Variants in CCNL2 observed in about 807,000 individuals in gnomAD.
CCNL2 encodes the protein cyclin-L2.
CCNL2 carries 28 observed loss-of-function variants against 59.1 expected under a neutral mutation model. The observed-to-expected ratio is 0.47, with a 90% CI of 0.35 to 0.65. The LOEUF is 0.65. Ranked by LOEUF, CCNL2 falls within the 30% of genes least tolerant of loss-of-function variation. The pLI, the probability that CCNL2 is intolerant of heterozygous loss-of-function variation, is 0.00. For missense variants in CCNL2, 714 were observed against 717.4 expected, an observed-to-expected ratio of 1.00 and a Z score of 0.05; for synonymous variants, 342 against 288.6, an observed-to-expected ratio of 1.19 and a Z score of -1.88.
chr1:1,399,064 G>A lies in CCNL2; in HGVS notation c.243C>T (p.Gly81=). ...TDTETDLRVV[G]CELIQAAGIL... is the part of the protein sequence containing the mutation. ...TACCGGCCGCCTGGATGAGCTCGCA[G>A]CCCACCACGCGGAGGTCGGTCTCTG... is the stretch of plus-strand genomic sequence containing the variant. The change falls in exon 1 of 11, where the codon GGC becomes GGT. Residue 81 remains glycine, a synonymous_variant. Transcript: ENST00000400809. 4 of 1,610,380 alleles carry A rather than the reference G, an allele frequency of 2.5e-6. No individual in the cohort carries two copies. The highest frequency in any genetic ancestry group is 3.4e-6 in the Non-Finnish European group (4 of 1,178,954).
chr1:1,396,571 GTTTTTTTTTT>G (rs1175846044), intron 3 of CCNL2, among the ~76,000 whole-genome samples: 1 of 69,656 alleles, frequency 1.4e-5, no homozygotes. Context: ...CGGCAAGGCT[GTTTTTTTTTT>G]TTTTTTTTTT....
At chr1:1,398,370 A>T (rs771179780) in intron 2 of CCNL2, 28 bp from the exon 3 acceptor site, 5 of 1,613,636 alleles carry the variant, frequency 3.1e-6, no homozygotes, top group South Asian at 2.2e-5. Context: ...CAACACGCCC[A>T]TGTTTGTCCC....
At chr1:1,393,030 C>A (rs989308333) in intron 5 of CCNL2, 1 of 609,052 alleles carries the variant, frequency 1.6e-6, no homozygotes, top group Admixed American at 2.9e-5. Flanking sequence ...CTGCCCCTCT[C>A]CCATGGGATG....
rs1425657009 is a variant in CCNL2 at position 1,387,090 on chromosome 1, T to C, written c.*141A>G. On this transcript the variant is annotated 3_prime_UTR_variant, in exon 11 of 11. Coordinates refer to ENST00000400809, the MANE Select transcript of CCNL2 (RefSeq NM_030937.6). ...TCCACCAAGGTCCAGTCGACAGACATTTCCAAAAAGAATCCTGTTCTAGGA... is the reference window on the plus strand; with the variant it reads ...TCCACCAAGGTCCAGTCGACAGACACTTCCAAAAAGAATCCTGTTCTAGGA... The C allele has an allele frequency of 1.3e-5, 8 of 637,918 alleles. No homozygotes were observed. The highest frequency in any genetic ancestry group is 1.9e-5 in the Non-Finnish European group (7 of 376,312). The allele number at this position is 637,918 out of a possible 1,614,324, so 39.5% of individuals were successfully genotyped here. A position where few individuals can be genotyped will look rare whatever the true frequency, so the allele number is the denominator to read the frequency against.
At chr1:1,395,623 A>C in intron 3 of CCNL2, 109 bp from the exon 4 acceptor site, 1 of 1,460,832 alleles carries the variant, frequency 6.8e-7, no homozygotes, top group Non-Finnish European at 9.3e-7. Flanking sequence ...CCACAACACA[A>C]CATCGCTATG....
At chr1:1,394,749 C>CAAG (rs1488387147) in intron 4 of CCNL2, among the ~76,000 whole-genome samples, 2 of 65,754 alleles carry the variant, frequency 3.0e-5, no homozygotes, top group Non-Finnish European at 5.5e-5. Context: ...GACTCCGTCT[C>CAAG]AAGAAAAAAA....
In CCNL2 at chr1:1,399,317, C is replaced by G. The variant is rs1195111344; in HGVS notation, c.-11G>C. ...CGCCGCCGCCGCCATTTTGTGCCGCCGACTCCCCTTCGGCTTCTTCCCTCA... is the reference window on the plus strand; with the variant it reads ...CGCCGCCGCCGCCATTTTGTGCCGCGGACTCCCCTTCGGCTTCTTCCCTCA... On this transcript the variant is annotated 5_prime_UTR_variant, in exon 1 of 11. Transcript: ENST00000400809. 1.4e-6 allele frequency: 2 copies of G among 1,440,660 alleles called. No homozygotes were observed. The highest frequency in any genetic ancestry group is 1.8e-6 in the Non-Finnish European group (2 of 1,105,890). 89.2% of individuals were successfully genotyped at this position (1,440,660 alleles called of 1,614,324 possible). A position where few individuals can be genotyped will look rare whatever the true frequency, so the allele number is the denominator to read the frequency against.
intron 3 of CCNL2, among the ~76,000 whole-genome samples, chr1:1,396,968 C>T (rs1433465784): frequency 3.3e-5 from 5 of 151,746 alleles, no homozygotes; most frequent in Admixed American, 6.6e-5. Flanking sequence ...AGGATGGTCT[C>T]GATCTCCTGA....
intron 3 of CCNL2, among the ~76,000 whole-genome samples, chr1:1,396,571 GTTTTT>G (rs1175846044): frequency 2.9e-5 from 2 of 69,656 alleles, no homozygotes; most frequent in African/African-American, 1.8e-4. Context: ...CGGCAAGGCT[GTTTTT>G]TTTTTTTTTT....
intron 3 of CCNL2, 146 bp from the exon 4 acceptor site, chr1:1,395,660 C>T: frequency 8.9e-7 from 1 of 1,129,124 alleles, no homozygotes; most frequent in Non-Finnish European, 1.3e-6. Context: ...ATGAACAAAA[C>T]TGCACACCGC....
chr1:1,393,835 G>C (rs962445323), intron 4 of CCNL2, among the ~76,000 whole-genome samples: 2 of 152,210 alleles, frequency 1.3e-5, no homozygotes, highest in African/African-American at 4.8e-5. Context: ...AAACAGAGAA[G>C]AACACTTCAG....
At chr1:1,393,025 CCT>C in intron 5 of CCNL2, 1 of 613,464 alleles carries the variant, frequency 1.6e-6, no homozygotes, top group Non-Finnish European at 2.9e-6. Context: ...CTTCTCTGCC[CCT>C]CTCCCATGGG....
rs1261603436 is a variant in CCNL2, at chr1:1,387,211, C to T, written c.*20G>A. The T allele has an allele frequency of 2.5e-6, 4 of 1,584,050 alleles. No homozygotes were observed. In the Admixed American group the frequency reaches 5.0e-5, roughly 20 times the overall value. On this transcript the variant is annotated 3_prime_UTR_variant, in exon 11 of 11. Transcript: ENST00000400809. ...CTCCCCAGGGAAGGGCTTGCGGCCA[C>T]CAGTCACTGCAACCCCGCCTCACCT...
intron 5 of CCNL2, chr1:1,392,869 C>A: frequency 6.6e-7 from 1 of 1,517,820 alleles, no homozygotes; most frequent in Non-Finnish European, 9.1e-7. Flanking sequence ...GTCATAGCAC[C>A]AGACAATTCA....
At chr1:1,392,915 A>T in intron 5 of CCNL2, 1 of 1,075,576 alleles carries the variant, frequency 9.3e-7, no homozygotes, top group Non-Finnish European at 1.4e-6. Flanking sequence ...ACTTAACTCC[A>T]TGGGAAAAAA....
chr1:1,390,201 A>G, intron 8 of CCNL2, 29 bp downstream of exon 8: 2 of 1,574,474 alleles, frequency 1.3e-6, no homozygotes, highest in South Asian at 2.3e-5. Flanking sequence ...CTTTGTGGGG[A>G]GTGGATTCCT....
Position 1,399,274 on chromosome 1 carries a change from T to C in CCNL2, c.33A>G (p.Ala11=), listed in dbSNP as rs1467463341. The change falls in exon 1 of 11, where the codon GCA becomes GCG. Residue 11 remains alanine (A), a synonymous_variant. Transcript: ENST00000400809. MAAAAAAAGA[A]GSAAPAAAAG... is the part of the protein sequence containing the mutation. ...CCGCTGCCGCGGGAGCTGCCGACCC[T>C]GCAGCACCAGCCGCCGCCGCCGCCG... 16 of 1,518,794 alleles carry C rather than the reference T, an allele frequency of 1.1e-5. No individual in the cohort carries two copies. Among genetic ancestry groups the C allele is most frequent in the Non-Finnish European group, 1.3e-5 (15 of 1,140,924 alleles). 94.1% of individuals were successfully genotyped at this position (1,518,794 alleles called of 1,614,324 possible). A position where few individuals can be genotyped will look rare whatever the true frequency, so the allele number is the denominator to read the frequency against.
Position 1,399,209 on chromosome 1 carries a change from T to G in CCNL2, c.98A>C (p.Gln33Pro). 1 of 1,605,716 alleles carries G rather than the reference T, an allele frequency of 6.2e-7. No individual in the cohort carries two copies. Among genetic ancestry groups the G allele is most frequent in the Non-Finnish European group, 8.5e-7 (1 of 1,177,248 alleles). Residue 33 changes from glutamine (Q) to proline (P), a missense_variant, in exon 1 of 11, where the codon CAG becomes CCG. Transcript: ENST00000400809. ...PGSGGAPSGS[Q>P]GVLIGDRLYS... ...CAGCCTGTCCCCGATCAGCACCCCC[T>G]GCGACCCTGAGGGTGCGCCCCCAGA...
In CCNL2 at chr1:1,399,115, G is replaced by A; in HGVS notation, c.192C>T (p.Ser64=). The change falls in exon 1 of 11, where the codon TCC becomes TCT. Residue 64 remains serine, a synonymous_variant. Coordinates refer to ENST00000400809, the MANE Select transcript of CCNL2 (RefSeq NM_030937.6). Reference sequence around the variant, plus strand: ...TGTCGGTGTCGAGGCCGCTCGACATGGACGGCGTGAAACGGAGCTTGTCGT... The same window carrying A: ...TGTCGGTGTCGAGGCCGCTCGACATAGACGGCGTGAAACGGAGCTTGTCGT... ...LPDDKLRFTP[S]MSSGLDTDTE... 1 of 1,612,014 alleles carries A rather than the reference G, an allele frequency of 6.2e-7. No individual in the cohort carries two copies. Among genetic ancestry groups the A allele is most frequent in the East Asian group, 2.2e-5 (1 of 44,754 alleles).
Sources: gnomAD v4.1 joint callset for allele counts (sites outside exome capture counted in the v4.1 genomes callset) on GRCh38, gnomAD v4.1.1 for gene constraint, MANE v1.5 for transcripts, NCBI Gene and HGNC (gene_info 2026-07-23, HGNC 2026-07-21) for gene names.